The following TSC22D1 variants were observed in gnomAD, a reference collection of about 807,000 sequenced individuals.
TSC22D1 encodes TSC22 domain family member 1.
TSC22D1 carries 9 observed loss-of-function variants against 74.2 expected under a neutral mutation model. The ratio of observed to expected loss-of-function variants is 0.12; its 90% confidence interval spans 0.07 to 0.21. The LOEUF (loss-of-function observed/expected upper bound fraction) is 0.21, where lower values mean the gene tolerates loss of function less well. Among genes scored for constraint, TSC22D1 ranks in the 10% least tolerant of loss-of-function variants. The probability of loss-of-function intolerance (pLI) is 1.00; values close to 1 mark genes in which losing one functional copy is unlikely to be tolerated. For synonymous variants in TSC22D1, 586 were observed against 492.5 expected, an observed-to-expected ratio of 1.19 and a Z score of -2.51; for missense variants, 1,427 against 1,304.7, an observed-to-expected ratio of 1.09 and a Z score of -1.44.
At chr13:44,561,501 T>A (rs112384668) in intron 1 of TSC22D1, among the ~76,000 whole-genome samples, 1 of 152,202 alleles carries the variant, frequency 6.6e-6, no homozygotes, top group African/African-American at 2.4e-5. Flanking sequence ...ACAAAGCCCA[T>A]CTGATACCAA....
intron 1 of TSC22D1, among the ~76,000 whole-genome samples, chr13:44,453,129 A>C (rs148254661): frequency 6.6e-6 from 1 of 152,340 alleles, no homozygotes; most frequent in African/African-American, 2.4e-5. Flanking sequence ...TTATCTCAGC[A>C]AACTAGTTTG....
At chr13:44,572,372 C>T (rs944271120) in intron 1 of TSC22D1, among the ~76,000 whole-genome samples, 2 of 152,130 alleles carry the variant, frequency 1.3e-5, no homozygotes, top group Non-Finnish European at 2.9e-5. Context: ...AAGAAAGGAA[C>T]AGGTGGAGTA....
chr13:44,538,373 A>AT (rs1386153706), intron 1 of TSC22D1: 2 of 985,242 alleles, frequency 2.0e-6, no homozygotes, highest in Non-Finnish European at 2.4e-6. Flanking sequence ...TTTTCGAATA[A>AT]TTAAGAAGTT....
At chr13:44,455,183 T>C (rs1876478545) in intron 1 of TSC22D1, among the ~76,000 whole-genome samples, 3 of 152,130 alleles carry the variant, frequency 2.0e-5, no homozygotes, top group Admixed American at 6.5e-5. Flanking sequence ...AAATTTTAGC[T>C]AGCTTTCAAA....
chr13:44,455,235 G>A (rs1595090217), intron 1 of TSC22D1, among the ~76,000 whole-genome samples: 1 of 152,276 alleles, frequency 6.6e-6, no homozygotes, highest in African/African-American at 2.4e-5. Context: ...AAAGACCTAA[G>A]AGAGATGATG....
chr13:44,570,365 A>AT (rs1417944809), intron 1 of TSC22D1, among the ~76,000 whole-genome samples: 2 of 151,352 alleles, frequency 1.3e-5, no homozygotes, highest in African/African-American at 2.4e-5. Flanking sequence ...TAATTTTTGT[A>AT]TTTTTTTGTA....
intron 1 of TSC22D1, among the ~76,000 whole-genome samples, chr13:44,572,503 C>G (rs998429866): frequency 1.9e-4 from 29 of 152,162 alleles, no homozygotes; most frequent in Admixed American, 1.6e-3. Context: ...AAAAAATGTT[C>G]AGCATACTAT....
chr13:44,554,563 G>GT (rs1185777332), intron 1 of TSC22D1, among the ~76,000 whole-genome samples: 1 of 133,514 alleles, frequency 7.5e-6, no homozygotes, highest in Non-Finnish European at 1.5e-5. Flanking sequence ...TGCTAGGTAT[G>GT]TAACAAGCAT....
intron 1 of TSC22D1, among the ~76,000 whole-genome samples, chr13:44,512,170 CTTTTTT>C (rs953941272): frequency 2.0e-5 from 3 of 151,558 alleles, no homozygotes; most frequent in Non-Finnish European, 4.4e-5. Context: ...TGTTTGTTTT[CTTTTTT>C]TGTTTGTTTT....
At chr13:44,546,792 A>T (rs1881858006) in intron 1 of TSC22D1, among the ~76,000 whole-genome samples, 1 of 131,804 alleles carries the variant, frequency 7.6e-6, no homozygotes, top group South Asian at 2.3e-4. Flanking sequence ...GTATGTATGT[A>T]CTTAGGGTGT....
rs1331716920 is a variant in TSC22D1 at position 44,551,342 on chromosome 13, A to T, written c.2912+21821T>A. ...GTGTGTGTGTGTGTGTGTGTGTGTG[A>T]CCCTGTCTCAAAAACTAAAACAAAA... is the stretch of plus-strand genomic sequence containing the variant. On this transcript the variant is annotated intron_variant, in intron 1 of 2. Transcript: ENST00000458659. Among the ~76,000 whole-genome samples, 524 of 73,752 alleles carry T rather than the reference A, an allele frequency of 7.1e-3. 7 individuals are homozygous for T. The highest frequency in any genetic ancestry group is 0.016 in the Middle Eastern group (2 of 122). 48.4% of individuals were successfully genotyped at this position (73,752 alleles called of 152,430 possible). A position where few individuals can be genotyped will look rare whatever the true frequency, so the allele number is the denominator to read the frequency against.
rs1187059359 is a variant in TSC22D1 at position 44,574,451 on chromosome 13, A to T, written c.1624T>A (p.Ser542Thr). Residue 542 changes from serine to threonine, a missense_variant, in exon 1 of 3, where the codon TCA becomes ACA. By Grantham distance (58) the Ser-to-Thr change is moderately conservative. This residue lies in a region of TSC22D1 where 1,343 missense variants were observed against 1,191.5 expected (regional missense o/e 1.13). Coordinates refer to ENST00000458659, the MANE Select transcript of TSC22D1 (RefSeq NM_183422.4). Reference protein sequence around the residue: ...AVSIPQSISQSQISQVQLQSQ... With the variant: ...AVSIPQSISQTQISQVQLQSQ... Reference sequence around the variant, plus strand: ...TGTAATTGTACTTGTGAGATCTGTGACTGAGAAATACTCTGTGGTATACTA... The same window carrying T: ...TGTAATTGTACTTGTGAGATCTGTGTCTGAGAAATACTCTGTGGTATACTA... The T allele has an allele frequency of 3.1e-6, 5 of 1,614,052 alleles. No individual in the cohort carries two copies. In the East Asian group the frequency reaches 1.1e-4, roughly 36 times the overall value.
chr13:44,552,192 C>T (rs533221574), intron 1 of TSC22D1, among the ~76,000 whole-genome samples: 1 of 152,206 alleles, frequency 6.6e-6, no homozygotes, highest in Non-Finnish European at 1.5e-5. Flanking sequence ...ATCTTATTCT[C>T]AAAATGACTT....
chr13:44,434,588 T>A lies in TSC22D1; in HGVS notation c.*38A>T. On this transcript the variant is annotated 3_prime_UTR_variant, in exon 3 of 3. Transcript: ENST00000458659. The stretch of plus-strand genomic sequence containing the variant: ...TAGCACATCTTCTCCGTCTGTTCAG[T>A]TCACACGCAGCAGCCAGTTCTGCGG... 6.6e-7 allele frequency: 1 copy of A among 1,511,676 alleles called. No homozygotes were observed. Among genetic ancestry groups the A allele is most frequent in the Non-Finnish European group, 8.8e-7 (1 of 1,132,956 alleles). 93.6% of individuals were successfully genotyped at this position (1,511,676 alleles called of 1,614,324 possible).
intron 1 of TSC22D1, among the ~76,000 whole-genome samples, chr13:44,570,641 T>C (rs1883701245): frequency 6.6e-6 from 1 of 152,146 alleles, no homozygotes; most frequent in Admixed American, 6.5e-5. Context: ...GTGTTAAGAG[T>C]ATTATTTCAA....
chr13:44,437,024 G>A (rs1874747849), intron 1 of TSC22D1: 1 of 979,148 alleles, frequency 1.0e-6, no homozygotes, highest in Non-Finnish European at 1.2e-6. Context: ...CCCGCTCGTG[G>A]GGTGGGCTGG....
intron 1 of TSC22D1, among the ~76,000 whole-genome samples, chr13:44,458,531 C>T (rs920595328): frequency 7.2e-5 from 11 of 152,250 alleles, no homozygotes; most frequent in Non-Finnish European, 1.3e-4. Context: ...CAGGAACAGG[C>T]GGGAGCCCCA....
intron 1 of TSC22D1, among the ~76,000 whole-genome samples, chr13:44,533,018 T>C (rs1359894218): frequency 6.6e-6 from 1 of 152,124 alleles, no homozygotes; most frequent in African/African-American, 2.4e-5. Context: ...AGACAATTTG[T>C]TTAAAAGAGT....
intron 1 of TSC22D1, among the ~76,000 whole-genome samples, chr13:44,533,733 A>C (rs1299072345): frequency 6.6e-6 from 1 of 152,178 alleles, no homozygotes; most frequent in African/African-American, 2.4e-5. Flanking sequence ...CAGTGAGCTG[A>C]GGTTGCCCCA....
Sources: allele counts gnomAD v4.1 joint callset (sites outside exome capture counted in the v4.1 genomes callset), GRCh38; gene constraint gnomAD v4.1.1; regional missense constraint gnomAD v4.1.1; transcripts MANE v1.5; gene names NCBI Gene and HGNC (gene_info 2026-07-23, HGNC 2026-07-21).